MTOR: variants seen among roughly 807,000 people sequenced by gnomAD.
MTOR encodes the protein mechanistic target of rapamycin kinase.
MTOR carries 70 observed loss-of-function variants against 319.8 expected under a neutral mutation model. The observed-to-expected ratio is 0.22, with a 90% confidence interval of 0.18 to 0.27. MTOR has a LOEUF of 0.27. MTOR is among the 10% of genes least tolerant of loss of function. The pLI is 1.00. For missense variants in MTOR, 1,890 were observed against 3,274.4 expected, an observed-to-expected ratio of 0.58 and a Z score of 10.32; for synonymous variants, 1,183 against 1,211.4, an observed-to-expected ratio of 0.98 and a Z score of 0.49.
Position 11,228,788 on chromosome 1 carries a change from CATGGTGTGATG to C in MTOR, c.2899_2909del (p.His967GlyfsTer29). On this transcript the variant is annotated frameshift_variant, in exon 19 of 58. Transcript: ENST00000361445. LOFTEE classifies it high-confidence loss of function. ...AGATGAAGGTGATGGCCTGGACAACCATGGTGTGATGATGAGAGAGTGACTGGTCTCGGAAG... is the reference window on the plus strand; with the variant it reads ...AGATGAAGGTGATGGCCTGGACAACCATGAGAGAGTGACTGGTCTCGGAAG... 6.2e-7 allele frequency: 1 copy of C among 1,614,128 alleles called. No homozygotes were observed. Among genetic ancestry groups the C allele is most frequent in the Non-Finnish European group, 8.5e-7 (1 of 1,180,030 alleles).
intron 11 of MTOR, among the ~76,000 whole-genome samples, chr1:11,239,470 G>A (rs1182622328): frequency 6.6e-6 from 1 of 150,876 alleles, no homozygotes; most frequent in African/African-American, 2.5e-5. Flanking sequence ...GTACTTGCTT[G>A]TTTCCCCACA....
chr1:11,197,653 T>C (rs926224267), intron 28 of MTOR, among the ~76,000 whole-genome samples: 1 of 152,222 alleles, frequency 6.6e-6, no homozygotes, highest in African/African-American at 2.4e-5. Context: ...GCAATTCTCC[T>C]GCCTTAGCCT....
At position 11,127,935 on chromosome 1, in the gene MTOR, A is replaced by AACAATCCCAC; in HGVS notation, c.6033+59_6033+68dup. 1 of 1,599,226 alleles carries AACAATCCCAC rather than the reference A, an allele frequency of 6.3e-7. No homozygotes were observed. The highest frequency in any genetic ancestry group is 1.1e-5 in the South Asian group (1 of 89,078). On this transcript the variant is annotated intron_variant, in intron 43 of 57. Coordinates refer to ENST00000361445, the MANE Select transcript of MTOR (RefSeq NM_004958.4). This position sits in a 1 kb window ranked among gnomAD's most constrained non-coding sequence, Gnocchi z 5.5. ...GCACAGCACCAATGCGAGGAAGAAA[A>AACAATCCCAC]ACAATCCCACTTGCGCCCACCAGCT...
intron 29 of MTOR, among the ~76,000 whole-genome samples, chr1:11,159,926 T>C (rs946914111): frequency 6.6e-6 from 1 of 152,170 alleles, no homozygotes; most frequent in African/African-American, 2.4e-5. Context: ...ATGCTTTATG[T>C]ATTTTAGAAG....
intron 28 of MTOR, chr1:11,189,969 T>C: frequency 6.3e-7 from 1 of 1,594,708 alleles, no homozygotes; most frequent in Non-Finnish European, 8.5e-7. Context: ...AGGAGACCAG[T>C]CCCCTGAGGG....
At chr1:11,254,001 T>C (rs771605300) in intron 5 of MTOR, 28 bp from the exon 6 acceptor site, 6 of 1,614,018 alleles carry the variant, frequency 3.7e-6, no homozygotes, top group Non-Finnish European at 5.1e-6. Flanking sequence ...GTGCCTTCAT[T>C]AGAGACAGAG....
chr1:11,238,170 CCT>C, intron 12 of MTOR, 122 bp from the exon 13 acceptor site: 1 of 1,007,726 alleles, frequency 9.9e-7, no homozygotes, highest in Non-Finnish European at 1.5e-6. Context: ...TCTCATCTAA[CCT>C]CTGTCATTCT....
intron 8 of MTOR, among the ~76,000 whole-genome samples, chr1:11,244,753 A>G (rs1007638249): frequency 1.3e-5 from 2 of 152,222 alleles, no homozygotes; most frequent in Admixed American, 1.3e-4. Flanking sequence ...ATATTTTTAC[A>G]TATCTTTTCT....
Position 11,212,867 on chromosome 1 carries a change from G to T in MTOR, c.3327C>A (p.Asp1109Glu). Residue 1109 changes from aspartate to glutamate, a missense_variant, in exon 22 of 58, where the codon GAC becomes GAA. Physicochemically the swap from Asp to Glu is conservative, Grantham distance 45 (BLOSUM62 2). Around this residue, in one of 15 missense-constraint regions of MTOR, gnomAD observed 377 missense variants for 653.9 expected, o/e 0.58. Transcript: ENST00000361445. The surrounding 1 kb of genome is among the most constrained non-coding windows in gnomAD (Gnocchi z 4.1). ...TAGGAGGCAGCAGTAAATGCAGGTA[G>T]TCATCCAGGTTGGCGCCAAACAGCT... is the stretch of plus-strand genomic sequence containing the variant. ...AIQLFGANLD[D>E]YLHLLLPPIV... 1 of 1,614,154 alleles carries T rather than the reference G, an allele frequency of 6.2e-7. No individual in the cohort carries two copies.
chr1:11,152,508 C>T (rs1198619796), intron 30 of MTOR: 2 of 152,122 alleles, frequency 1.3e-5, no homozygotes, highest in East Asian at 1.9e-4. Context: ...ATCTCACTCC[C>T]GAGGAATCTG....
In MTOR at chr1:11,106,608, C is replaced by G. The variant is rs920626791; in HGVS notation, c.*877G>C. Reference sequence around the variant, plus strand: ...ACAACATGGTGTCTAGACATGGCTACACTTTATACTTTGTGCATTTAGTTG... The same window carrying G: ...ACAACATGGTGTCTAGACATGGCTAGACTTTATACTTTGTGCATTTAGTTG... On this transcript the variant is annotated 3_prime_UTR_variant, in exon 58 of 58. Transcript: ENST00000361445. 4 of 1,081,490 alleles carry G rather than the reference C, an allele frequency of 3.7e-6. No individual in the cohort carries two copies. The African/African-American group carries it at 4.9e-5, about 13-fold the overall frequency. The allele number at this position is 1,081,490 out of a possible 1,614,324, so 67.0% of individuals were successfully genotyped here.
At chr1:11,185,647 T>C (rs973440697) in intron 28 of MTOR, among the ~76,000 whole-genome samples, 1 of 151,982 alleles carries the variant, frequency 6.6e-6, no homozygotes, top group Admixed American at 6.5e-5. Flanking sequence ...AGAGAAGGCC[T>C]GAGAGAAAAG....
chr1:11,134,475 G>T lies in MTOR; in HGVS notation c.5131-9C>A. On this transcript the variant is annotated splice_polypyrimidine_tract_variant and intron_variant, in intron 36 of 57. Coordinates refer to ENST00000361445, the MANE Select transcript of MTOR (RefSeq NM_004958.4). ...TGCTGGAAGGCATCGATCTGTAACA[G>T]GACAAAGGCACAGAGAGCCACTTGG... is the stretch of plus-strand genomic sequence containing the variant. 2 of 1,613,486 alleles carry T rather than the reference G, an allele frequency of 1.2e-6. No individual in the cohort carries two copies. The highest frequency in any genetic ancestry group is 1.7e-6 in the Non-Finnish European group (2 of 1,179,482).
At chr1:11,189,467 C>A (rs1025365625) in intron 28 of MTOR, 10 of 1,255,508 alleles carry the variant, frequency 8.0e-6, no homozygotes, top group Non-Finnish European at 9.9e-6. Flanking sequence ...AGTGGCGAGG[C>A]CCTCAGAGTG....
chr1:11,109,491 C>T lies in MTOR; in HGVS notation c.7448-121G>A, dbSNP rs1022758201. 6 of 1,195,256 alleles carry T rather than the reference C, an allele frequency of 5.0e-6. No individual in the cohort carries two copies. The highest frequency in any genetic ancestry group is 3.1e-5 in the African/African-American group (2 of 65,526). The allele number at this position is 1,195,256 out of a possible 1,614,324, so 74.0% of individuals were successfully genotyped here. On this transcript the variant is annotated intron_variant, in intron 55 of 57. Coordinates refer to ENST00000361445, the MANE Select transcript of MTOR (RefSeq NM_004958.4). This position sits in a 1 kb window ranked among gnomAD's most constrained non-coding sequence, Gnocchi z 4.0. ...TGTTAAGCAATCCTTCCTCTATGTC[C>T]GTCTTTGTCCTCAGAATATAATGAG... is the stretch of plus-strand genomic sequence containing the variant.
intron 19 of MTOR, among the ~76,000 whole-genome samples, chr1:11,217,653 C>T (rs184227731): frequency 4.4e-4 from 67 of 151,414 alleles, no homozygotes; most frequent in Admixed American, 1.1e-3. Flanking sequence ...CTTCATGATC[C>T]GCCCGCCTTG....
chr1:11,184,412 C>T (rs1412413727), intron 28 of MTOR, among the ~76,000 whole-genome samples: 3 of 152,150 alleles, frequency 2.0e-5, no homozygotes, highest in Non-Finnish European at 2.9e-5. Context: ...GAAATTCTCA[C>T]GTTCTAAATC....
At chr1:11,183,748 A>G (rs1047092196) in intron 28 of MTOR, among the ~76,000 whole-genome samples, 1 of 151,916 alleles carries the variant, frequency 6.6e-6, no homozygotes, top group African/African-American at 2.4e-5. Flanking sequence ...AATCTCCTGG[A>G]CTTGAGCTTT....
At chr1:11,195,211 A>G in intron 28 of MTOR, 1 of 673,892 alleles carries the variant, frequency 1.5e-6, no homozygotes, top group Non-Finnish European at 2.4e-6. Context: ...AGTAAACAGG[A>G]TGAACTATTT....
Sources: allele counts gnomAD v4.1 joint callset (sites outside exome capture counted in the v4.1 genomes callset), GRCh38; gene constraint gnomAD v4.1.1; regional missense constraint gnomAD v4.1.1; non-coding constraint Gnocchi (gnomAD v3.1); transcripts MANE v1.5; gene names NCBI Gene and HGNC (gene_info 2026-07-23, HGNC 2026-07-21).